Variants in CUX2 observed in about 807,000 individuals in gnomAD.
CUX2 encodes cut like homeobox 2.
CUX2 carries 40 observed loss-of-function variants against 144.8 expected under a neutral mutation model. The ratio of observed to expected loss-of-function variants is 0.28; its 90% CI spans 0.21 to 0.36. The LOEUF (loss-of-function observed/expected upper bound fraction) is 0.36. CUX2 is among the 10% of genes least tolerant of loss of function. The pLI is 1.00. For missense variants in CUX2, 1,615 were observed against 1,994.0 expected (o/e 0.81, Z 3.62); for synonymous variants, 827 against 875.6 (o/e 0.94, Z 0.98).
At chr12:111,062,494 G>T (rs747816295) in intron 1 of CUX2, among the ~76,000 whole-genome samples, 3 of 152,204 alleles carry the variant, frequency 2.0e-5, no homozygotes, top group Admixed American at 6.5e-5. Context: ...CGGCTCGAGC[G>T]AGGGGAGTCA....
chr12:111,057,587 T>G lies in CUX2; in HGVS notation c.63+23347T>G, dbSNP rs1870586484. ...CCCCATCTTTCTCCCTGCCCTAGCCTCCACCATCTTCCTGTCTTCCTGTGG... is the reference window on the plus strand; with the variant it reads ...CCCCATCTTTCTCCCTGCCCTAGCCGCCACCATCTTCCTGTCTTCCTGTGG... On this transcript the variant is annotated intron_variant, in intron 1 of 21. Transcript: ENST00000261726. The surrounding 1 kb of genome is among the most constrained non-coding windows in gnomAD (Gnocchi z 5.1). 6.6e-6 allele frequency among the ~76,000 whole-genome samples: 1 copy of G among 152,108 alleles called. No homozygotes were observed.
chr12:111,164,582 A>G (rs1391232109), intron 1 of CUX2, among the ~76,000 whole-genome samples: 2 of 151,882 alleles, frequency 1.3e-5, no homozygotes, highest in African/African-American at 4.8e-5. Flanking sequence ...TCTCAAAAAA[A>G]TAAAAAAGAA....
intron 1 of CUX2, among the ~76,000 whole-genome samples, chr12:111,046,491 G>T (rs1004794329): frequency 6.6e-6 from 1 of 152,136 alleles, no homozygotes; most frequent in African/African-American, 2.4e-5. Flanking sequence ...AAGCGGCCCA[G>T]CCTGGACTTG....
chr12:111,348,441 C>A lies in CUX2; in HGVS notation c.*116C>A. The A allele has an allele frequency of 2.1e-6, 2 of 973,508 alleles. No homozygotes were observed. The highest frequency in any genetic ancestry group is 1.6e-5 in the African/African-American group (1 of 61,558). 60.3% of individuals were successfully genotyped at this position (973,508 alleles called of 1,614,324 possible). A position where few individuals can be genotyped will look rare whatever the true frequency, so the allele number is the denominator to read the frequency against. ...AACTCAACCATCAAAATGTGGACAGCAATGTTATGCCGTTTACGTTTTTTG... is the reference window on the plus strand; with the variant it reads ...AACTCAACCATCAAAATGTGGACAGAAATGTTATGCCGTTTACGTTTTTTG... On this transcript the variant is annotated 3_prime_UTR_variant, in exon 22 of 22. Transcript: ENST00000261726.
At chr12:111,132,123 G>A (rs979897096) in intron 1 of CUX2, among the ~76,000 whole-genome samples, 1 of 152,216 alleles carries the variant, frequency 6.6e-6, no homozygotes, top group African/African-American at 2.4e-5. Flanking sequence ...AATCTCGATG[G>A]AAGTTCCCAA....
chr12:111,331,061 G>C (rs898486979), intron 18 of CUX2, among the ~76,000 whole-genome samples: 2 of 151,796 alleles, frequency 1.3e-5, no homozygotes. Flanking sequence ...TTAGAGAGGA[G>C]CCTAGATGTT....
chr12:111,049,104 TCATC>T (rs1265035102), intron 1 of CUX2, among the ~76,000 whole-genome samples: 1 of 152,122 alleles, frequency 6.6e-6, no homozygotes, highest in Non-Finnish European at 1.5e-5. Flanking sequence ...ATCTGTCCAC[TCATC>T]CATCCATCCC....
chr12:111,248,901 TTATGGAGG>T (rs1274243683), intron 3 of CUX2, among the ~76,000 whole-genome samples: 1 of 152,214 alleles, frequency 6.6e-6, no homozygotes, highest in Admixed American at 6.5e-5. Context: ...TCACAGGACT[TTATGGAGG>T]TATAATTTAC....
chr12:111,202,083 A>T (rs1880630162), intron 1 of CUX2, among the ~76,000 whole-genome samples: 1 of 152,222 alleles, frequency 6.6e-6, no homozygotes, highest in African/African-American at 2.4e-5. Flanking sequence ...CCCTAGCAAA[A>T]GCCTGGCATG....
intron 1 of CUX2, among the ~76,000 whole-genome samples, chr12:111,156,081 C>T (rs770451990): frequency 2.6e-5 from 4 of 152,192 alleles, no homozygotes; most frequent in Non-Finnish European, 4.4e-5. Flanking sequence ...TTCCACCGCC[C>T]TGATTTGTGA....
intron 1 of CUX2, among the ~76,000 whole-genome samples, chr12:111,191,831 C>T (rs1879910158): frequency 6.6e-6 from 1 of 152,146 alleles, no homozygotes; most frequent in South Asian, 2.1e-4. Flanking sequence ...CCAGTGTCAC[C>T]CCACCTCCTT....
chr12:111,306,898 C>T (rs1490972413), intron 10 of CUX2, 23 bp from the exon 11 acceptor site: 2 of 1,567,668 alleles, frequency 1.3e-6, no homozygotes, highest in South Asian at 1.2e-5. Flanking sequence ...CTCTCAGCCC[C>T]TCAAAGACCC....
rs1410603922 is a variant in CUX2 at position 111,186,781 on chromosome 12, TG to T, written c.64-27418del. On this transcript the variant is annotated intron_variant, in intron 1 of 21. Transcript: ENST00000261726. The surrounding 1 kb of genome is among the most constrained non-coding windows in gnomAD (Gnocchi z 4.4). ...TATTAAAATCGATATGATGTGTGTA[TG>T]TTTTTTTTTTTTTTGAGACAGAATT... 7.7e-6 allele frequency among the ~76,000 whole-genome samples: 1 copy of T among 130,134 alleles called. No individual in the cohort carries two copies. The highest frequency in any genetic ancestry group is 1.5e-5 in the Non-Finnish European group (1 of 65,032). The allele number at this position is 130,134 out of a possible 152,430, so 85.4% of individuals were successfully genotyped here.
intron 1 of CUX2, among the ~76,000 whole-genome samples, chr12:111,102,486 G>C (rs1873314376): frequency 1.3e-5 from 2 of 152,228 alleles, no homozygotes; most frequent in African/African-American, 2.4e-5. Flanking sequence ...GCACCACACT[G>C]TGCCCTGAGC....
At chr12:111,244,111 T>G (rs1883160281) in intron 3 of CUX2, among the ~76,000 whole-genome samples, 1 of 152,140 alleles carries the variant, frequency 6.6e-6, no homozygotes, top group African/African-American at 2.4e-5. Context: ...TGTTTTTGTT[T>G]TTTTAAAGAG....
chr12:111,124,111 C>T (rs887395216), intron 1 of CUX2, among the ~76,000 whole-genome samples: 2 of 152,102 alleles, frequency 1.3e-5, no homozygotes, highest in African/African-American at 4.8e-5. Flanking sequence ...TTTATTCCCC[C>T]AAAAGGAAAC....
intron 1 of CUX2, among the ~76,000 whole-genome samples, chr12:111,177,781 A>C (rs565652783): frequency 7.2e-5 from 11 of 152,362 alleles, no homozygotes; most frequent in Admixed American, 7.2e-4. Context: ...GTTTCTGACC[A>C]GGGCTGGCCC....
chr12:111,162,954 G>A (rs1217089119), intron 1 of CUX2, among the ~76,000 whole-genome samples: 1 of 151,740 alleles, frequency 6.6e-6, no homozygotes, highest in East Asian at 1.9e-4. Flanking sequence ...GCTGAGGCAG[G>A]AGAATCGCTT....
intron 1 of CUX2, among the ~76,000 whole-genome samples, chr12:111,183,666 AT>A (rs1879332062): frequency 6.6e-6 from 1 of 152,208 alleles, no homozygotes; most frequent in African/African-American, 2.4e-5. Flanking sequence ...TCACTTCTCC[AT>A]CCTGCAGGTA....
Sources: gnomAD v4.1 joint callset for allele counts (sites outside exome capture counted in the v4.1 genomes callset) on GRCh38, gnomAD v4.1.1 for gene constraint, Gnocchi (gnomAD v3.1) non-coding constraint, MANE v1.5 for transcripts, NCBI Gene and HGNC (gene_info 2026-07-23, HGNC 2026-07-21) for gene names.